Variants in ITM2C observed in about 807,000 individuals in gnomAD.
ITM2C encodes BRICHOS domain containing 2C.
A neutral mutation model predicts 30.0 loss-of-function variants in ITM2C; 20 were observed. That is an observed-to-expected ratio of 0.67 (90% CI 0.47 to 0.97). The LOEUF (loss-of-function observed/expected upper bound fraction) is 0.97, where lower values mean the gene tolerates loss of function less well. Ranked by LOEUF, ITM2C falls within the 50% of genes least tolerant of loss-of-function variation. The pLI, the probability that ITM2C is intolerant of heterozygous loss-of-function variation, is 0.00. For missense variants in ITM2C, 366 were observed against 371.9 expected (o/e 0.98, Z 0.13); for synonymous variants, 167 against 156.4 (o/e 1.07, Z -0.51).
intron 1 of ITM2C, among the ~76,000 whole-genome samples, chr2:230,871,145 C>A (rs539021341): frequency 6.6e-5 from 10 of 152,358 alleles, no homozygotes; most frequent in African/African-American, 2.4e-4. Flanking sequence ...ATGGGAGACC[C>A]GAGAAGGGGG....
chr2:230,873,497 G>T lies in ITM2C; in HGVS notation c.201G>T (p.Val67=). The change falls in exon 2 of 6, where the codon GTG becomes GTT. Residue 67 remains valine, a synonymous_variant. Transcript: ENST00000326427. ...GCTACCTGTCGATGGGCATGGTCGTGCTGCTCATGGGCCTCGTGTTCGCCT... is the reference window on the plus strand; with the variant it reads ...GCTACCTGTCGATGGGCATGGTCGTTCTGCTCATGGGCCTCGTGTTCGCCT... ...GVCYLSMGMV[V]LLMGLVFASV... 1 of 1,611,328 alleles carries T rather than the reference G, an allele frequency of 6.2e-7. No individual in the cohort carries two copies. The highest frequency in any genetic ancestry group is 8.5e-7 in the Non-Finnish European group (1 of 1,178,758).
chr2:230,866,604 C>T (rs989991482), intron 1 of ITM2C, among the ~76,000 whole-genome samples: 1 of 152,008 alleles, frequency 6.6e-6, no homozygotes, highest in East Asian at 1.9e-4. Flanking sequence ...CAGCTCCCCC[C>T]TTTTCATCTG....
intron 1 of ITM2C, among the ~76,000 whole-genome samples, chr2:230,869,014 A>G (rs528634468): frequency 9.2e-5 from 14 of 152,284 alleles, no homozygotes; most frequent in African/African-American, 3.1e-4. Context: ...CAGTCCTTGC[A>G]TGTTTCAAGA....
Position 230,865,173 on chromosome 2 carries a change from G to A in ITM2C, c.120+28G>A. 1 of 1,395,228 alleles carries A rather than the reference G, an allele frequency of 7.2e-7. No homozygotes were observed. Among genetic ancestry groups the A allele is most frequent in the Non-Finnish European group, 9.4e-7 (1 of 1,062,418 alleles). 86.4% of individuals were successfully genotyped at this position (1,395,228 alleles called of 1,614,324 possible). A position where few individuals can be genotyped will look rare whatever the true frequency, so the allele number is the denominator to read the frequency against. On this transcript the variant is annotated intron_variant, in intron 1 of 5. Transcript: ENST00000326427. This position sits in a 1 kb window ranked among gnomAD's most constrained non-coding sequence, Gnocchi z 6.8. ...GAGAGGGTCTGGGGCTCAGGCGGTG[G>A]GGCGGGGGACCCAGGCTCACGACCC...
Position 230,867,634 on chromosome 2 carries a change from G to A in ITM2C, c.120+2489G>A, listed in dbSNP as rs185141925. ...GTGTCTGAACTGGACTCCAAAACAA[G>A]ATTTATTTTATTTTATCTATTTTAT... On this transcript the variant is annotated intron_variant, in intron 1 of 5. Transcript: ENST00000326427. Among the ~76,000 whole-genome samples, 113 of 151,210 alleles carry A rather than the reference G, an allele frequency of 7.5e-4. 1 individual carries two copies. The highest frequency in any genetic ancestry group is 2.7e-3 in the African/African-American group (111 of 41,092).
Position 230,876,915 on chromosome 2 carries a change from C to G in ITM2C, c.509C>G (p.Thr170Ser). The G allele has an allele frequency of 6.2e-7, 1 of 1,614,094 alleles. No individual in the cohort carries two copies. The highest frequency in any genetic ancestry group is 1.1e-5 in the South Asian group (1 of 91,082). The change falls in exon 4 of 6, where the codon ACC becomes AGC. Residue 170 changes from threonine (T) to serine (S), a missense_variant. Thr to Ser is a moderately conservative substitution (Grantham distance 58). Coordinates refer to ENST00000326427, the MANE Select transcript of ITM2C (RefSeq NM_030926.6). ...LDKCYVIELNTTIVLPPRNFW... is the reference protein window; with the variant it reads ...LDKCYVIELNSTIVLPPRNFW... ...AAGTGCTATGTCATCGAACTCAACA[C>G]CACCATTGTGCTGCCCCCTCGCAAC...
At chr2:230,873,766 C>T (rs1182500538) in intron 2 of ITM2C, among the ~76,000 whole-genome samples, 4 of 152,186 alleles carry the variant, frequency 2.6e-5, no homozygotes, top group Non-Finnish European at 5.9e-5. Flanking sequence ...GCCCCTTGTC[C>T]TGGGGAGCCA....
chr2:230,875,808 G>C lies in ITM2C; in HGVS notation c.450G>C (p.Arg150=). The change falls in exon 3 of 6, where the codon CGG becomes CGC. Residue 150 remains arginine (R), a splice_region_variant and synonymous_variant. Transcript: ENST00000326427. ...CAGACATCATCCATGACTTCCAGCGGGTGAGGCTGGCCAGGGCCTGGGGGT... is the reference window on the plus strand; with the variant it reads ...CAGACATCATCCATGACTTCCAGCGCGTGAGGCTGGCCAGGGCCTGGGGGT... ...DPADIIHDFQ[R]GLTAYHDISL... The C allele has an allele frequency of 8.1e-7, 1 of 1,227,170 alleles. No individual in the cohort carries two copies. The highest frequency in any genetic ancestry group is 1.1e-6 in the Non-Finnish European group (1 of 919,490). The allele number at this position is 1,227,170 out of a possible 1,614,324, so 76.0% of individuals were successfully genotyped here. A position where few individuals can be genotyped will look rare whatever the true frequency, so the allele number is the denominator to read the frequency against.
rs567943810 is a variant in ITM2C, at chr2:230,871,061, A to G, written c.121-2356A>G. Among the ~76,000 whole-genome samples, 10 of 152,364 alleles carry G rather than the reference A, an allele frequency of 6.6e-5. No individual in the cohort carries two copies. The South Asian group carries it at 1.9e-3, about 28-fold the overall frequency. ...TTTTATCTAGCACTTGATCCTTTACAAAGGGCTTTTAGGTTCTTTGTCTCG... is the reference window on the plus strand; with the variant it reads ...TTTTATCTAGCACTTGATCCTTTACGAAGGGCTTTTAGGTTCTTTGTCTCG... On this transcript the variant is annotated intron_variant, in intron 1 of 5. Transcript: ENST00000326427.
chr2:230,871,773 T>C (rs572698487), intron 1 of ITM2C, among the ~76,000 whole-genome samples: 4 of 152,350 alleles, frequency 2.6e-5, no homozygotes, highest in Non-Finnish European at 5.9e-5. Context: ...GCTGACCTGC[T>C]CACGCATGTC....
intron 2 of ITM2C, among the ~76,000 whole-genome samples, chr2:230,874,134 G>A (rs2125021875): frequency 6.6e-6 from 1 of 152,274 alleles, no homozygotes; most frequent in South Asian, 2.1e-4. Flanking sequence ...ATGAAAGTAG[G>A]TAAATTAAAA....
chr2:230,870,459 G>A (rs748989492), intron 1 of ITM2C, among the ~76,000 whole-genome samples: 1 of 152,234 alleles, frequency 6.6e-6, no homozygotes, highest in Admixed American at 6.5e-5. Flanking sequence ...GGGTGGCAGC[G>A]TGGCTGAGCC....
In ITM2C at chr2:230,878,066, C is replaced by T. The variant is rs267599257; in HGVS notation, c.771C>T (p.Phe257=). The change falls in exon 6 of 6, where the codon TTC becomes TTT. Residue 257 remains phenylalanine, a synonymous_variant. Coordinates refer to ENST00000326427, the MANE Select transcript of ITM2C (RefSeq NM_030926.6). This position sits in a 1 kb window ranked among gnomAD's most constrained non-coding sequence, Gnocchi z 4.5. The stretch of plus-strand genomic sequence containing the variant: ...CCATCCGCCACTTCGAGAACACCTT[C>T]GTGGTGGAGACGCTCATCTGCGGGG... ...CNAIRHFENT[F]VVETLICGVV is the part of the protein sequence containing the mutation. 3 of 1,604,466 alleles carry T rather than the reference C, an allele frequency of 1.9e-6. No individual in the cohort carries two copies. The highest frequency in any genetic ancestry group is 1.3e-5 in the African/African-American group (1 of 74,626).
intron 2 of ITM2C, among the ~76,000 whole-genome samples, chr2:230,874,906 C>T (rs1041784902): frequency 3.3e-5 from 5 of 152,226 alleles, no homozygotes; most frequent in Non-Finnish European, 5.9e-5. Context: ...CCACCAGACA[C>T]AGTGTCTGTC....
At chr2:230,873,359 G>A in intron 1 of ITM2C, 58 bp from the exon 2 acceptor site, 1 of 1,450,468 alleles carries the variant, frequency 6.9e-7, no homozygotes, top group Non-Finnish European at 9.1e-7. Flanking sequence ...ACTTAGGGAA[G>A]GGGGGATTTC....
At chr2:230,868,801 C>G (rs1316960665) in intron 1 of ITM2C, among the ~76,000 whole-genome samples, 1 of 152,216 alleles carries the variant, frequency 6.6e-6, no homozygotes, top group African/African-American at 2.4e-5. Context: ...TGTCCTGATG[C>G]CCACTGGCCA....
At position 230,865,109 on chromosome 2, in the gene ITM2C, G is replaced by A. The variant is rs753708282; in HGVS notation, c.84G>A (p.Pro28=). 2 of 1,510,866 alleles carry A rather than the reference G, an allele frequency of 1.3e-6. No homozygotes were observed. The highest frequency in any genetic ancestry group is 1.8e-6 in the Non-Finnish European group (2 of 1,124,578). 93.6% of individuals were successfully genotyped at this position (1,510,866 alleles called of 1,614,324 possible). ...ADKASASAPA[P]ASATEILLTP... is the part of the protein sequence containing the mutation. The stretch of plus-strand genomic sequence containing the variant: ...AGGCGTCGGCGTCGGCCCCTGCGCC[G>A]GCCTCGGCCACCGAGATCCTGCTGA... Residue 28 remains proline (P), a synonymous_variant, in exon 1 of 6, where the codon CCG becomes CCA. Coordinates refer to ENST00000326427, the MANE Select transcript of ITM2C (RefSeq NM_030926.6). The surrounding 1 kb of genome is among the most constrained non-coding windows in gnomAD (Gnocchi z 6.8).
chr2:230,876,972 G>A lies in ITM2C; in HGVS notation c.561+5G>A, dbSNP rs370297692. 5.4e-4 allele frequency: 854 copies of A among 1,590,526 alleles called. 3 individuals carry two copies. The highest frequency in any genetic ancestry group is 1.9e-3 in the South Asian group (175 of 90,602). Reference sequence around the variant, plus strand: ...GAGCTCCTCATGAACGTGAAGGTGCGCAGGGGGTTGGGGGGATGTCTGCAG... The same window carrying A: ...GAGCTCCTCATGAACGTGAAGGTGCACAGGGGGTTGGGGGGATGTCTGCAG... On this transcript the variant is annotated splice_donor_5th_base_variant and intron_variant, in intron 4 of 5. Coordinates refer to ENST00000326427, the MANE Select transcript of ITM2C (RefSeq NM_030926.6).
chr2:230,865,111 C>T lies in ITM2C; in HGVS notation c.86C>T (p.Ala29Val), dbSNP rs778092195. Reference sequence around the variant, plus strand: ...GCGTCGGCGTCGGCCCCTGCGCCGGCCTCGGCCACCGAGATCCTGCTGACG... The same window carrying T: ...GCGTCGGCGTCGGCCCCTGCGCCGGTCTCGGCCACCGAGATCCTGCTGACG... ...DKASASAPAP[A>V]SATEILLTPA... Residue 29 changes from alanine to valine, a missense_variant, in exon 1 of 6, where the codon GCC becomes GTC. Physicochemically the swap from Ala to Val is moderately conservative, Grantham distance 64 (BLOSUM62 0). Coordinates refer to ENST00000326427, the MANE Select transcript of ITM2C (RefSeq NM_030926.6). This position sits in a 1 kb window ranked among gnomAD's most constrained non-coding sequence, Gnocchi z 6.8. The T allele has an allele frequency of 6.6e-7, 1 of 1,508,740 alleles. No homozygotes were observed. The highest frequency in any genetic ancestry group is 1.4e-5 in the African/African-American group (1 of 70,278). 93.5% of individuals were successfully genotyped at this position (1,508,740 alleles called of 1,614,324 possible). A position where few individuals can be genotyped will look rare whatever the true frequency, so the allele number is the denominator to read the frequency against.
Sources: allele counts gnomAD v4.1 joint callset (sites outside exome capture counted in the v4.1 genomes callset), GRCh38; gene constraint gnomAD v4.1.1; non-coding constraint Gnocchi (gnomAD v3.1); transcripts MANE v1.5; gene names NCBI Gene and HGNC (gene_info 2026-07-23, HGNC 2026-07-21).